The following DGKG variants were observed in gnomAD, a reference collection of about 807,000 sequenced individuals.
The protein encoded by DGKG is diacylglycerol kinase gamma, also known as DAG kinase gamma.
DGKG carries 78 observed loss-of-function variants against 105.3 expected under a neutral mutation model. That is an observed-to-expected ratio of 0.74 (90% CI 0.62 to 0.89). The LOEUF is 0.89. DGKG is among the 40% of genes least tolerant of loss of function. The pLI is 0.00. For synonymous variants in DGKG, 346 were observed against 367.1 expected, an observed-to-expected ratio of 0.94 and a Z score of 0.66; for missense variants, 958 against 1,020.1, an observed-to-expected ratio of 0.94 and a Z score of 0.83.
At chr3:186,316,982 C>T (rs773481822) in intron 2 of DGKG, among the ~76,000 whole-genome samples, 37 of 152,124 alleles carry the variant, frequency 2.4e-4, no homozygotes, top group Non-Finnish European at 4.9e-4. Flanking sequence ...CTCTCCTGTT[C>T]GAACAACAGT....
intron 18 of DGKG, 45 bp downstream of exon 18, chr3:186,253,048 A>G: frequency 1.9e-6 from 3 of 1,555,226 alleles, no homozygotes; most frequent in Non-Finnish European, 2.7e-6. Flanking sequence ...CTCTGTAAAC[A>G]GGAACACCTG....
At chr3:186,171,207 TTTTG>T (rs1233069495) in intron 22 of DGKG, among the ~76,000 whole-genome samples, 2 of 152,200 alleles carry the variant, frequency 1.3e-5, no homozygotes, top group Non-Finnish European at 2.9e-5. Context: ...TGTGTTCTTG[TTTTG>T]TTTATCTTTG....
At chr3:186,259,194 C>A (rs9864209) in intron 16 of DGKG, among the ~76,000 whole-genome samples, 6 of 152,240 alleles carry the variant, frequency 3.9e-5, no homozygotes, top group African/African-American at 1.2e-4. Flanking sequence ...GCATGAGAGA[C>A]CCTCAGGGCG....
intron 2 of DGKG, among the ~76,000 whole-genome samples, chr3:186,309,233 G>A (rs1001688647): frequency 6.6e-6 from 1 of 151,950 alleles, no homozygotes; most frequent in African/African-American, 2.4e-5. Flanking sequence ...ATTGGGTAAG[G>A]TTTATAAAGG....
At chr3:186,217,629 C>T (rs1719359930) in intron 20 of DGKG, among the ~76,000 whole-genome samples, 1 of 152,174 alleles carries the variant, frequency 6.6e-6, no homozygotes, top group Non-Finnish European at 1.5e-5. Flanking sequence ...TTATGTTTGT[C>T]AGCAATTTAG....
intron 1 of DGKG, among the ~76,000 whole-genome samples, chr3:186,332,186 C>T (rs1725635505): frequency 6.6e-6 from 1 of 152,084 alleles, no homozygotes. Flanking sequence ...CCTGAAAAGC[C>T]AACATTATTT....
chr3:186,360,379 G>C (rs936497461), intron 1 of DGKG, among the ~76,000 whole-genome samples: 1 of 152,146 alleles, frequency 6.6e-6, no homozygotes, highest in Non-Finnish European at 1.5e-5. Context: ...CTATAGTGCT[G>C]GGTGTAAACG....
chr3:186,205,845 T>G (rs1452987600), intron 21 of DGKG, among the ~76,000 whole-genome samples: 1 of 152,130 alleles, frequency 6.6e-6, no homozygotes, highest in Non-Finnish European at 1.5e-5. Flanking sequence ...AAGACTTTTC[T>G]GTATTAAAAA....
intron 1 of DGKG, among the ~76,000 whole-genome samples, chr3:186,344,275 C>T (rs914358754): frequency 3.9e-5 from 6 of 152,206 alleles, no homozygotes; most frequent in African/African-American, 1.4e-4. Context: ...ACCATAAAGA[C>T]ACATGTGTGC....
chr3:186,153,131 G>A (rs974282530), intron 24 of DGKG, among the ~76,000 whole-genome samples: 1 of 152,094 alleles, frequency 6.6e-6, no homozygotes, highest in Admixed American at 6.5e-5. Flanking sequence ...GGTCTTGACA[G>A]GGTAGGAGTC....
intron 21 of DGKG, among the ~76,000 whole-genome samples, chr3:186,189,001 G>T (rs1210869006): frequency 6.6e-6 from 1 of 152,000 alleles, no homozygotes; most frequent in Non-Finnish European, 1.5e-5. Context: ...TTTTAGTAGA[G>T]ACGGGGTTTC....
chr3:186,331,709 G>A (rs935772457), intron 1 of DGKG, among the ~76,000 whole-genome samples: 2 of 152,206 alleles, frequency 1.3e-5, no homozygotes, highest in African/African-American at 4.8e-5. Context: ...TTTGGCACAG[G>A]CAGGCAGTGT....
At chr3:186,265,791 T>C (rs1291775249) in intron 13 of DGKG, among the ~76,000 whole-genome samples, 4 of 151,420 alleles carry the variant, frequency 2.6e-5, no homozygotes, top group Non-Finnish European at 5.9e-5. Flanking sequence ...GCCTCCTTAG[T>C]AGCTGGGACT....
intron 24 of DGKG, among the ~76,000 whole-genome samples, chr3:186,150,773 T>C (rs906247275): frequency 6.6e-6 from 1 of 152,128 alleles, no homozygotes; most frequent in Non-Finnish European, 1.5e-5. Flanking sequence ...TTTTTAAAAC[T>C]TTTTTTTCTT....
chr3:186,197,793 T>G (rs1391333188), intron 21 of DGKG, among the ~76,000 whole-genome samples: 2 of 152,186 alleles, frequency 1.3e-5, no homozygotes, highest in Non-Finnish European at 2.9e-5. Flanking sequence ...CATTGTTTTC[T>G]GCTGTACACG....
intron 22 of DGKG, among the ~76,000 whole-genome samples, chr3:186,169,173 A>G (rs1716699240): frequency 6.6e-6 from 1 of 152,162 alleles, no homozygotes; most frequent in Non-Finnish European, 1.5e-5. Context: ...TTTTTTGCTG[A>G]CATTAAAATA....
chr3:186,189,729 A>T (rs925487338), intron 21 of DGKG, among the ~76,000 whole-genome samples: 4 of 152,178 alleles, frequency 2.6e-5, no homozygotes, highest in African/African-American at 9.7e-5. Context: ...ACATTATGTT[A>T]TCTTGTTTCC....
chr3:186,258,544 T>C (rs987296604), intron 16 of DGKG, among the ~76,000 whole-genome samples: 1 of 152,176 alleles, frequency 6.6e-6, no homozygotes, highest in African/African-American at 2.4e-5. Flanking sequence ...AAATTAGTAG[T>C]ATTTCCTTCA....
chr3:186,208,445 A>AG, intron 21 of DGKG, among the ~76,000 whole-genome samples: 1 of 151,632 alleles, frequency 6.6e-6, no homozygotes, highest in South Asian at 2.1e-4. Flanking sequence ...AAAAGAAGAA[A>AG]AAAAAAAGGA....
Sources: allele counts gnomAD v4.1 joint callset (sites outside exome capture counted in the v4.1 genomes callset), GRCh38; gene constraint gnomAD v4.1.1; transcripts MANE v1.5; gene names NCBI Gene and HGNC (gene_info 2026-07-23, HGNC 2026-07-21).